Variants in ZNF532 observed in about 807,000 individuals in gnomAD.
ZNF532 encodes the protein zinc finger protein 532.
In ZNF532, 22 loss-of-function variants were observed where a neutral mutation model predicts 89.3. The ratio of observed to expected loss-of-function variants is 0.25; its 90% CI spans 0.18 to 0.35. The LOEUF is 0.35. ZNF532 is among the 10% of genes least tolerant of loss of function. The pLI, the probability that ZNF532 is intolerant of heterozygous loss-of-function variation, is 1.00. For missense variants in ZNF532, 1,132 were observed against 1,643.4 expected, an observed-to-expected ratio of 0.69 and a Z score of 5.38; for synonymous variants, 606 against 649.6, an observed-to-expected ratio of 0.93 and a Z score of 1.02.
At chr18:58,875,151 C>A (rs531709921) in intron 2 of ZNF532, among the ~76,000 whole-genome samples, 1 of 152,160 alleles carries the variant, frequency 6.6e-6, no homozygotes, top group East Asian at 1.9e-4. Flanking sequence ...CTTTCCCCCC[C>A]CTTTTTTTCT....
intron 2 of ZNF532, among the ~76,000 whole-genome samples, chr18:58,900,375 A>G (rs1239454308): frequency 6.6e-6 from 1 of 152,088 alleles, no homozygotes; most frequent in Non-Finnish European, 1.5e-5. Flanking sequence ...TCTCATGCTC[A>G]CCCTGTGGCC....
Position 58,895,604 on chromosome 18 carries a change from A to G in ZNF532, c.-17-22667A>G, listed in dbSNP as rs935331175. Among the ~76,000 whole-genome samples the G allele has an allele frequency of 4.6e-5, 7 of 152,266 alleles. No homozygotes were observed. In the South Asian group the frequency reaches 6.2e-4, roughly 14 times the overall value. On this transcript the variant is annotated intron_variant, in intron 2 of 9. Coordinates refer to ENST00000591808, the MANE Select transcript of ZNF532 (RefSeq NM_001375912.1). ...TGGCTGAGGCTGGCTGCCAGTCTATATCGTACGTGTCTCTTCCCAGCTCCA... is the reference window on the plus strand; with the variant it reads ...TGGCTGAGGCTGGCTGCCAGTCTATGTCGTACGTGTCTCTTCCCAGCTCCA...
chr18:58,944,844 C>T (rs1476300335), intron 5 of ZNF532, among the ~76,000 whole-genome samples: 1 of 152,176 alleles, frequency 6.6e-6, no homozygotes, highest in Admixed American at 6.5e-5. Flanking sequence ...CCCCCAGATT[C>T]CTCGGTTGTT....
At chr18:58,939,370 C>A (rs2062787286) in intron 4 of ZNF532, 75 bp from the exon 5 acceptor site, 1 of 1,267,278 alleles carries the variant, frequency 7.9e-7, no homozygotes, top group Non-Finnish European at 1.1e-6. Context: ...AAAGTGTGTT[C>A]ATCTCACCCA....
At position 58,920,533 on chromosome 18, in the gene ZNF532, T is replaced by A. The variant is rs1240231515; in HGVS notation, c.2246T>A (p.Leu749Gln). 1 of 1,613,758 alleles carries A rather than the reference T, an allele frequency of 6.2e-7. No individual in the cohort carries two copies. Among genetic ancestry groups the A allele is most frequent in the African/African-American group, 1.3e-5 (1 of 74,900 alleles). Residue 749 changes from leucine (L) to glutamine (Q), a missense_variant, in exon 3 of 10, where the codon CTG becomes CAG. By Grantham distance (113) the Leu-to-Gln change is moderately radical (BLOSUM62 -2). Coordinates refer to ENST00000591808, the MANE Select transcript of ZNF532 (RefSeq NM_001375912.1). The part of the protein sequence containing the change: ...AMPLDEDPSK[L>Q]CRHSLKCLEC... ...CCCCTAGATGAAGACCCCTCCAAAC[T>A]GTGTAGACATAGTCTAAAATGTTTG...
Position 58,919,511 on chromosome 18 carries a change from G to A in ZNF532, c.1224G>A (p.Ser408=), listed in dbSNP as rs535517715. The A allele has an allele frequency of 4.8e-5, 77 of 1,614,100 alleles. No homozygotes were observed. Among genetic ancestry groups the A allele is most frequent in the Admixed American group, 6.7e-5 (4 of 60,006 alleles). Residue 408 remains serine (S), a synonymous_variant, in exon 3 of 10, where the codon TCG becomes TCA. Transcript: ENST00000591808. This position sits in a 1 kb window ranked among gnomAD's most constrained non-coding sequence, Gnocchi z 6.1. ...TGGCCTCTGTGACATCCCTTCTGTC[G>A]TCTCCAGCATCAGCCGCCGTCCTTT... ...SVMASVTSLL[S]SPASAAVLSS... is the part of the protein sequence containing the mutation.
At chr18:58,974,414 T>C (rs527605880) in intron 7 of ZNF532, among the ~76,000 whole-genome samples, 1 of 152,314 alleles carries the variant, frequency 6.6e-6, no homozygotes, top group African/African-American at 2.4e-5. Flanking sequence ...CATCTTGTGG[T>C]ATGAGTGCAT....
At chr18:58,964,621 C>G (rs139577881) in intron 7 of ZNF532, among the ~76,000 whole-genome samples, 107 of 150,890 alleles carry the variant, frequency 7.1e-4, no homozygotes, top group Middle Eastern at 3.4e-3. Context: ...GAGTCTCGCT[C>G]TGTCGCTCAG....
rs2059261947 is a variant in ZNF532, at chr18:58,896,531, T to A, written c.-17-21740T>A. 5.2e-5 allele frequency: 8 copies of A among 152,528 alleles called. No individual in the cohort carries two copies. In the South Asian group the frequency reaches 1.5e-3, roughly 28 times the overall value. The allele number at this position is 152,528 out of a possible 1,614,324, so 9.4% of individuals were successfully genotyped here. A position where few individuals can be genotyped will look rare whatever the true frequency, so the allele number is the denominator to read the frequency against. ...AGGTGGGGAAAGAGGCTGCTGCACATGCTTGGGATGTCTTCAGCCATATGC... is the reference window on the plus strand; with the variant it reads ...AGGTGGGGAAAGAGGCTGCTGCACAAGCTTGGGATGTCTTCAGCCATATGC... On this transcript the variant is annotated intron_variant, in intron 2 of 9. Transcript: ENST00000591808.
intron 2 of ZNF532, among the ~76,000 whole-genome samples, chr18:58,884,294 G>T (rs34609611): frequency 0.23 from 35,588 of 152,184 alleles, 4,605 homozygotes; most frequent in Middle Eastern, 0.41. Flanking sequence ...GGCAGGAGAA[G>T]CGCTTGAACC....
At chr18:58,977,372 CAG>C (rs1199093582) in intron 7 of ZNF532, 1 of 152,158 alleles carries the variant, frequency 6.6e-6, no homozygotes, top group Non-Finnish European at 1.5e-5. Flanking sequence ...GCCCACCTCA[CAG>C]GGGTGGGAGT....
rs1568380370 is a variant in ZNF532, at chr18:58,942,004, CTTCT to C, written c.2705+2390_2705+2393del. Among the ~76,000 whole-genome samples, 10 of 139,744 alleles carry C rather than the reference CTTCT, an allele frequency of 7.2e-5. No homozygotes were observed. The South Asian group carries it at 2.5e-3, about 35-fold the overall frequency. 91.7% of individuals were successfully genotyped at this position (139,744 alleles called of 152,430 possible). On this transcript the variant is annotated intron_variant, in intron 5 of 9. Coordinates refer to ENST00000591808, the MANE Select transcript of ZNF532 (RefSeq NM_001375912.1). ...CTTCCCTCCTTCCCTTCCTTCCTTCCTTCTTTCTTTTCTTTTCTTTTTTTCTACC... is the reference window on the plus strand; with the variant it reads ...CTTCCCTCCTTCCCTTCCTTCCTTCCTTCTTTTCTTTTCTTTTTTTCTACC...
At chr18:58,893,853 T>C (rs1158387563) in intron 2 of ZNF532, among the ~76,000 whole-genome samples, 1 of 152,154 alleles carries the variant, frequency 6.6e-6, no homozygotes, top group Non-Finnish European at 1.5e-5. Flanking sequence ...AGTGGTTACA[T>C]GGGGGTAGAA....
intron 2 of ZNF532, among the ~76,000 whole-genome samples, chr18:58,900,805 A>G (rs2059554044): frequency 6.6e-6 from 1 of 152,180 alleles, no homozygotes; most frequent in Admixed American, 6.5e-5. Flanking sequence ...TTGTACAGTC[A>G]CCACCAGTCA....
intron 4 of ZNF532, among the ~76,000 whole-genome samples, chr18:58,939,188 A>G: frequency 7.0e-6 from 1 of 143,296 alleles, no homozygotes; most frequent in Non-Finnish European, 1.5e-5. Context: ...TGGAGGTTGC[A>G]ATGAGCCGGG....
At chr18:58,955,607 A>G (rs1162456391) in intron 7 of ZNF532, among the ~76,000 whole-genome samples, 1 of 152,206 alleles carries the variant, frequency 6.6e-6, no homozygotes, top group Admixed American at 6.5e-5. Flanking sequence ...TGAAACTGAC[A>G]TGTTTTACTT....
chr18:58,888,891 T>TTA (rs71173096), intron 2 of ZNF532, among the ~76,000 whole-genome samples: 5,359 of 37,210 alleles, frequency 0.14, 657 homozygotes, highest in East Asian at 0.23. Context: ...TATATATATT[T>TTA]TATATATATA....
At chr18:58,920,729 A>T in intron 3 of ZNF532, 96 bp downstream of exon 3, 13 of 673,680 alleles carry the variant, frequency 1.9e-5, no homozygotes, top group Non-Finnish European at 2.1e-5. Context: ...AATGCAGTGA[A>T]ATGGACGTGT....
intron 7 of ZNF532, among the ~76,000 whole-genome samples, chr18:58,970,962 G>A (rs1172971181): frequency 6.6e-6 from 1 of 152,202 alleles, no homozygotes; most frequent in African/African-American, 2.4e-5. Context: ...CTGCCCAAGT[G>A]TCTGACATTG....
Sources: allele counts gnomAD v4.1 joint callset (sites outside exome capture counted in the v4.1 genomes callset), GRCh38; gene constraint gnomAD v4.1.1; non-coding constraint Gnocchi (gnomAD v3.1); transcripts MANE v1.5; gene names NCBI Gene and HGNC (gene_info 2026-07-23, HGNC 2026-07-21).